Variants in UPP2 observed in about 807,000 individuals in gnomAD.
The protein encoded by UPP2 is uridine phosphorylase 2.
A neutral mutation model predicts 26.7 loss-of-function variants in UPP2; 23 were observed. The observed-to-expected ratio is 0.86, with a 90% CI of 0.62 to 1.22. The LOEUF is 1.22. UPP2 is among the 50% of genes most tolerant of loss of function. The pLI is 0.00. For synonymous variants in UPP2, 127 were observed against 141.3 expected, an observed-to-expected ratio of 0.90 and a Z score of 0.72; for missense variants, 387 against 396.7, an observed-to-expected ratio of 0.98 and a Z score of 0.21.
chr2:158,104,813 T>G (rs1024685004), intron 1 of UPP2, among the ~76,000 whole-genome samples: 4 of 151,700 alleles, frequency 2.6e-5, no homozygotes, highest in Non-Finnish European at 5.9e-5. Context: ...TCCTGGATAC[T>G]CAGCAGGCTG....
intron 3 of UPP2, among the ~76,000 whole-genome samples, chr2:158,053,929 T>A (rs1682201722): frequency 6.6e-6 from 1 of 152,212 alleles, no homozygotes; most frequent in Non-Finnish European, 1.5e-5. Context: ...TGGGACAATG[T>A]AACTATCTGT....
At chr2:157,995,987 A>G (rs540477035) in intron 2 of UPP2, among the ~76,000 whole-genome samples, 4 of 152,226 alleles carry the variant, frequency 2.6e-5, no homozygotes, top group Admixed American at 1.3e-4. Context: ...ATTGTCTTCA[A>G]GATTGGTTTT....
chr2:158,111,268 A>C (rs1368335302), intron 2 of UPP2, among the ~76,000 whole-genome samples: 2 of 152,092 alleles, frequency 1.3e-5, no homozygotes, highest in African/African-American at 4.8e-5. Context: ...TTTATTTTTT[A>C]AGCTCTGTTT....
At chr2:158,132,058 C>T (rs1683830397) in intron 6 of UPP2, among the ~76,000 whole-genome samples, 1 of 152,208 alleles carries the variant, frequency 6.6e-6, no homozygotes, top group African/African-American at 2.4e-5. Flanking sequence ...TTCTGTGCGA[C>T]TGCCAGCCCA....
At chr2:158,016,123 T>A (rs1466356134) in intron 3 of UPP2, among the ~76,000 whole-genome samples, 2 of 149,154 alleles carry the variant, frequency 1.3e-5, no homozygotes, top group Non-Finnish European at 3.0e-5. Flanking sequence ...CTAACACTTG[T>A]TTAAAAAAAA....
chr2:158,059,216 G>A (rs1224107206), intron 3 of UPP2, among the ~76,000 whole-genome samples: 1 of 152,226 alleles, frequency 6.6e-6, no homozygotes, highest in Admixed American at 6.5e-5. Context: ...GTCCAAGCAT[G>A]ATGGGAAAAC....
At chr2:158,006,471 C>T (rs901881483) in intron 2 of UPP2, among the ~76,000 whole-genome samples, 6 of 105,862 alleles carry the variant, frequency 5.7e-5, no homozygotes, top group African/African-American at 1.7e-4. Context: ...AGCGAGACTC[C>T]GTCTCAAAAA....
intron 3 of UPP2, among the ~76,000 whole-genome samples, chr2:158,023,712 C>T (rs142220664): frequency 1.8e-3 from 274 of 151,998 alleles, no homozygotes; most frequent in African/African-American, 6.2e-3. Flanking sequence ...CTTCTAACTG[C>T]CTTTTGCTGC....
At chr2:158,067,614 T>C (rs1183091158) in intron 3 of UPP2, among the ~76,000 whole-genome samples, 1 of 151,396 alleles carries the variant, frequency 6.6e-6, no homozygotes, top group Non-Finnish European at 1.5e-5. Context: ...GATTTACAAA[T>C]CGATGTGTTC....
chr2:158,093,049 A>T (rs13410444), intron 3 of UPP2, among the ~76,000 whole-genome samples: 15,294 of 151,914 alleles, frequency 0.1, 1,527 homozygotes, highest in African/African-American at 0.25. Flanking sequence ...GCCTCCCCAG[A>T]AGTAGGGACT....
chr2:158,047,397 G>A (rs1301361633), intron 3 of UPP2, among the ~76,000 whole-genome samples: 3 of 152,232 alleles, frequency 2.0e-5, no homozygotes, highest in African/African-American at 7.2e-5. Flanking sequence ...TTACTTGAAC[G>A]TCTACCATCA....
intron 2 of UPP2, chr2:157,995,403 G>C (rs2105458627): frequency 1.1e-6 from 1 of 911,608 alleles, no homozygotes; most frequent in Admixed American, 2.2e-5. Context: ...AATAATTAAG[G>C]GATGATGCAA....
chr2:158,055,072 A>C (rs1469070575), intron 3 of UPP2, among the ~76,000 whole-genome samples: 1 of 152,194 alleles, frequency 6.6e-6, no homozygotes, highest in East Asian at 1.9e-4. Flanking sequence ...AGAATACCCC[A>C]AACTGGGTAA....
intron 3 of UPP2, chr2:158,065,689 T>C (rs1682423569): frequency 3.2e-6 from 2 of 623,004 alleles, no homozygotes; most frequent in East Asian, 3.2e-5. Flanking sequence ...TAGATAAGAG[T>C]ATGTAAAGCA....
At chr2:158,053,149 C>T (rs550140819) in intron 3 of UPP2, among the ~76,000 whole-genome samples, 49 of 152,294 alleles carry the variant, frequency 3.2e-4, no homozygotes, top group Middle Eastern at 3.4e-3. Flanking sequence ...TGGTAGAAGA[C>T]TTGGGTGTCA....
chr2:158,039,297 G>C (rs548830537), intron 3 of UPP2, among the ~76,000 whole-genome samples: 1 of 152,294 alleles, frequency 6.6e-6, no homozygotes, highest in Non-Finnish European at 1.5e-5. Flanking sequence ...GCAACCACTG[G>C]CACTAGCAAG....
intron 3 of UPP2, among the ~76,000 whole-genome samples, chr2:158,066,838 G>T (rs1034236551): frequency 2.0e-5 from 3 of 152,110 alleles, no homozygotes; most frequent in African/African-American, 7.2e-5. Flanking sequence ...AGAAAAGAAT[G>T]GGAGGGGGCT....
Position 158,133,010 on chromosome 2 carries a change from C to T in UPP2, c.812-1738C>T, listed in dbSNP as rs76016800. 4.1e-3 allele frequency among the ~76,000 whole-genome samples: 626 copies of T among 152,312 alleles called. 2 individuals are homozygous for T. The highest frequency in any genetic ancestry group is 6.8e-3 in the Middle Eastern group (2 of 294). ...ATTCCCATATAAGCTAGCAATCCCA[C>T]CTCTGGTACATATCTGAAGGAACTG... is the stretch of plus-strand genomic sequence containing the variant. On this transcript the variant is annotated intron_variant, in intron 6 of 6. Transcript: ENST00000005756.
intron 3 of UPP2, among the ~76,000 whole-genome samples, chr2:158,028,461 T>C (rs556778430): frequency 6.6e-6 from 1 of 152,304 alleles, no homozygotes; most frequent in Admixed American, 6.5e-5. Flanking sequence ...CTGGACCTTA[T>C]TGTCCATATC....
Sources: gnomAD v4.1 joint callset for allele counts (sites outside exome capture counted in the v4.1 genomes callset) on GRCh38, gnomAD v4.1.1 for gene constraint, MANE v1.5 for transcripts, NCBI Gene and HGNC (gene_info 2026-07-23, HGNC 2026-07-21) for gene names.